Variants in KIF24 observed in about 807,000 individuals in gnomAD.
KIF24 encodes the protein kinesin-like protein KIF24.
Under a neutral mutation model 118.9 loss-of-function variants are expected in KIF24, and 81 were observed. The observed-to-expected ratio is 0.68, with a 90% CI of 0.57 to 0.82. KIF24 has a LOEUF of 0.82. KIF24 is among the 40% of genes least tolerant of loss of function. The pLI is 0.00. For synonymous variants in KIF24, 599 were observed against 610.0 expected, an observed-to-expected ratio of 0.98 and a Z score of 0.27; for missense variants, 1,560 against 1,661.6, an observed-to-expected ratio of 0.94 and a Z score of 1.06.
chr9:34,313,107 G>A (rs1431373517), intron 1 of KIF24, among the ~76,000 whole-genome samples: 18 of 152,186 alleles, frequency 1.2e-4, no homozygotes. Flanking sequence ...ATCTAGGCTA[G>A]CCTTGTGACT....
intron 4 of KIF24, 114 bp from the exon 5 acceptor site, chr9:34,290,503 C>G (rs1836216662): frequency 1.6e-6 from 1 of 632,958 alleles, no homozygotes; most frequent in Admixed American, 3.0e-5. Context: ...GAAAATTCAG[C>G]TATAAACACA....
At chr9:34,276,045 A>G (rs1420679098) in intron 6 of KIF24, among the ~76,000 whole-genome samples, 1 of 152,170 alleles carries the variant, frequency 6.6e-6, no homozygotes, top group Non-Finnish European at 1.5e-5. Flanking sequence ...CTGACTCCAA[A>G]GTCCATGTAT....
intron 2 of KIF24, among the ~76,000 whole-genome samples, chr9:34,308,384 A>G (rs1182790292): frequency 6.6e-6 from 1 of 151,978 alleles, no homozygotes; most frequent in Non-Finnish European, 1.5e-5. Flanking sequence ...CCTGGGTTCA[A>G]GCGATTTTCC....
At chr9:34,268,306 A>G (rs1040135133) in intron 8 of KIF24, among the ~76,000 whole-genome samples, 4 of 147,692 alleles carry the variant, frequency 2.7e-5, no homozygotes, top group African/African-American at 1.0e-4. Context: ...TGGGGTTGTA[A>G]CAGCCTGCCA....
chr9:34,312,606 T>C (rs549887802), intron 1 of KIF24, among the ~76,000 whole-genome samples: 6 of 152,280 alleles, frequency 3.9e-5, no homozygotes, highest in South Asian at 2.1e-4. Context: ...CCAAAGAACG[T>C]TGAATAATTA....
intron 8 of KIF24, among the ~76,000 whole-genome samples, chr9:34,265,636 C>G (rs1835256893): frequency 6.6e-6 from 1 of 151,944 alleles, no homozygotes; most frequent in Non-Finnish European, 1.5e-5. Flanking sequence ...GACTGTACAT[C>G]CTTAGTGGGA....
In KIF24 at chr9:34,256,565, G is replaced by A. The variant is rs755981241; in HGVS notation, c.3042C>T (p.Asp1014=). The change falls in exon 11 of 13, where the codon GAC becomes GAT. Residue 1014 remains aspartate, a synonymous_variant. Coordinates refer to ENST00000402558, the MANE Select transcript of KIF24 (RefSeq NM_194313.4). ...CAGTGCTGGTCACCTGGATTGGGCC[G>A]TCTGCACTGACTTCTCTCAGAGGTG... ...VTTPLREVSA[D]GPIQVTSTVK... The A allele has an allele frequency of 1.3e-5, 21 of 1,613,976 alleles. No individual in the cohort carries two copies. Among genetic ancestry groups the A allele is most frequent in the Admixed American group, 1.7e-5 (1 of 60,008 alleles).
chr9:34,278,941 A>G (rs998199460), intron 6 of KIF24, among the ~76,000 whole-genome samples: 2 of 152,094 alleles, frequency 1.3e-5, no homozygotes, highest in Non-Finnish European at 2.9e-5. Context: ...CACCTACACA[A>G]ATTTTTTAAA....
intron 1 of KIF24, among the ~76,000 whole-genome samples, chr9:34,313,738 GT>G (rs5897567): frequency 0.65 from 85,099 of 130,018 alleles, 28,351 homozygotes; most frequent in East Asian, 0.9. Context: ...CCCGTTATCT[GT>G]TTTTTTTTTT....
At chr9:34,329,603 AGT>A (rs1837817700), upstream of KIF24, 1 of 152,256 alleles carries the variant, frequency 6.6e-6, no homozygotes, top group East Asian at 1.9e-4. Flanking sequence ...GCTTCGGGTG[AGT>A]ACCCTTAAGG....
At chr9:34,322,321 C>A (rs1334863376) in intron 1 of KIF24, among the ~76,000 whole-genome samples, 1 of 152,042 alleles carries the variant, frequency 6.6e-6, no homozygotes, top group African/African-American at 2.4e-5. Flanking sequence ...CAGTGGTAGT[C>A]ACTCCCAATT....
At chr9:34,286,403 C>T (rs544693428) in intron 6 of KIF24, among the ~76,000 whole-genome samples, 1 of 152,322 alleles carries the variant, frequency 6.6e-6, no homozygotes, top group Non-Finnish European at 1.5e-5. Flanking sequence ...AGTTCTCCCA[C>T]ATGCCCTACC....
chr9:34,326,223 A>G (rs1226586179), intron 1 of KIF24, among the ~76,000 whole-genome samples: 1 of 152,056 alleles, frequency 6.6e-6, no homozygotes, highest in Non-Finnish European at 1.5e-5. Context: ...ATGGTGGTAC[A>G]TGCCTGTGGT....
intron 2 of KIF24, among the ~76,000 whole-genome samples, chr9:34,307,830 C>T (rs976572392): frequency 7.1e-6 from 1 of 141,330 alleles, no homozygotes; most frequent in African/African-American, 2.6e-5. Context: ...CATTGCATTC[C>T]AGCCTGGGCA....
intron 3 of KIF24, among the ~76,000 whole-genome samples, chr9:34,304,829 C>T (rs34435484): frequency 0.031 from 4,758 of 152,128 alleles, 111 homozygotes; most frequent in Middle Eastern, 0.068. Flanking sequence ...ATCACTTCAG[C>T]ATTAAAGGAT....
intron 1 of KIF24, among the ~76,000 whole-genome samples, chr9:34,320,904 A>G (rs1368839771): frequency 6.6e-6 from 1 of 152,118 alleles, no homozygotes; most frequent in African/African-American, 2.4e-5. Context: ...ACCCTTCTCC[A>G]TGTACTTAGC....
At chr9:34,277,114 T>C (rs938695462) in intron 6 of KIF24, among the ~76,000 whole-genome samples, 22 of 152,124 alleles carry the variant, frequency 1.4e-4, no homozygotes, top group African/African-American at 5.3e-4. Flanking sequence ...ACTTGGAAAA[T>C]ATAGGAAAAG....
chr9:34,257,624 C>CT lies in KIF24; in HGVS notation c.1982dup (p.Pro662AlafsTer10), dbSNP rs570788521. 4.3e-6 allele frequency: 7 copies of CT among 1,613,786 alleles called. No homozygotes were observed. Among genetic ancestry groups the CT allele is most frequent in the African/African-American group, 2.7e-5 (2 of 75,020 alleles). On this transcript the variant is annotated frameshift_variant, in exon 11 of 13. Transcript: ENST00000402558. LOFTEE classifies it high-confidence loss of function. The stretch of plus-strand genomic sequence containing the variant: ...AGCACAATGGTGCTGACTCTTCTGG[C>CT]TTTTTTTTGGCCACATGTCCAGAGC...
At chr9:34,263,444 C>A (rs187269947) in intron 8 of KIF24, among the ~76,000 whole-genome samples, 6 of 152,138 alleles carry the variant, frequency 3.9e-5, no homozygotes, top group Non-Finnish European at 8.8e-5. Flanking sequence ...AACAGACAGA[C>A]GCTGGGACCT....
Sources: allele counts gnomAD v4.1 joint callset (sites outside exome capture counted in the v4.1 genomes callset), GRCh38; gene constraint gnomAD v4.1.1; transcripts MANE v1.5; gene names NCBI Gene and HGNC (gene_info 2026-07-23, HGNC 2026-07-21).